Variants in AURKC observed in about 807,000 individuals in gnomAD.
The protein encoded by AURKC is aurora kinase C.
In AURKC, 15 loss-of-function variants were observed where a neutral mutation model predicts 29.2. The observed-to-expected ratio is 0.51, with a 90% CI of 0.34 to 0.79. AURKC has a LOEUF of 0.79. Ranked by LOEUF, AURKC falls within the 30% of genes least tolerant of loss-of-function variation. The pLI is 0.01. For synonymous variants in AURKC, 150 were observed against 149.9 expected, an observed-to-expected ratio of 1.00 and a Z score of -0.01; for missense variants, 332 against 383.2, an observed-to-expected ratio of 0.87 and a Z score of 1.12.
chr19:57,234,454 T>TAACTA (rs2087527080), intron 5 of AURKC, among the ~76,000 whole-genome samples: 1 of 152,244 alleles, frequency 6.6e-6, no homozygotes, highest in Admixed American at 6.5e-5. Context: ...TGTTAATATA[T>TAACTA]AACTATACCA....
intron 2 of AURKC, 89 bp downstream of exon 2, chr19:57,231,876 T>A: frequency 6.2e-7 from 1 of 1,611,304 alleles, no homozygotes. Context: ...TGCTGGCTCC[T>A]GGGAACGAGA....
chr19:57,235,220 CTCTT>C (rs777849128), intron 6 of AURKC, 23 bp from the exon 7 acceptor site: 3 of 1,614,028 alleles, frequency 1.9e-6, no homozygotes, highest in Non-Finnish European at 2.5e-6. Context: ...AACCAGACTT[CTCTT>C]TCTTCTTTCC....
chr19:57,233,572 C>A lies in AURKC; in HGVS notation c.548C>A (p.Ala183Glu), dbSNP rs369113656. The change falls in exon 5 of 7, where the codon GCA (alanine) becomes GAA (glutamate). Residue 183 changes from alanine (A) to glutamate (E), a missense_variant. Ala to Glu is a moderately radical substitution (Grantham distance 107). Coordinates refer to ENST00000302804, the MANE Select transcript of AURKC (RefSeq NM_001015878.2). Reference sequence around the variant, plus strand: ...GGGTTCAGGGGTGAGGTGAAGATTGCAGATTTTGGCTGGTCTGTGCACACC... The same window carrying A: ...GGGTTCAGGGGTGAGGTGAAGATTGAAGATTTTGGCTGGTCTGTGCACACC... The part of the protein sequence containing the change: ...LLGFRGEVKI[A>E]DFGWSVHTPS... 5.6e-6 allele frequency: 9 copies of A among 1,613,928 alleles called. No individual in the cohort carries two copies. In the African/African-American group the frequency reaches 1.1e-4, roughly 19 times the overall value.
At chr19:57,231,476 TC>T in intron 1 of AURKC, 170 bp downstream of exon 1, 1 of 782,778 alleles carries the variant, frequency 1.3e-6, no homozygotes, top group Non-Finnish European at 2.1e-6. Flanking sequence ...CACCTCTCCC[TC>T]CCCTACTCTC....
At chr19:57,231,520 ACCT>A (rs2122800455) in intron 1 of AURKC, 3 of 685,304 alleles carry the variant, frequency 4.4e-6, no homozygotes, top group South Asian at 3.5e-5. Flanking sequence ...CCTCTTCTTC[ACCT>A]CCTCCTCCCC....
At chr19:57,233,691 T>A in intron 5 of AURKC, 83 bp downstream of exon 5, 1 of 1,582,232 alleles carries the variant, frequency 6.3e-7, no homozygotes, top group Non-Finnish European at 8.7e-7. Context: ...TGTCCATGTG[T>A]AAAACCTAGA....
intron 4 of AURKC, 93 bp from the exon 5 acceptor site, chr19:57,233,367 C>T: frequency 1.3e-6 from 2 of 1,576,508 alleles, no homozygotes; most frequent in South Asian, 1.1e-5. Context: ...AAAAAGATTC[C>T]ACTGTAATCA....
rs1208016307 is a variant in AURKC, at chr19:57,231,065, G to A, written c.-184G>A. 7.1e-7 allele frequency: 1 copy of A among 1,415,798 alleles called. No individual in the cohort carries two copies. Among genetic ancestry groups the A allele is most frequent in the Admixed American group, 2.0e-5 (1 of 50,820 alleles). The allele number at this position is 1,415,798 out of a possible 1,614,324, so 87.7% of individuals were successfully genotyped here. A position where few individuals can be genotyped will look rare whatever the true frequency, so the allele number is the denominator to read the frequency against. ...TATAAAAGAAGGCCGCGCAGCCACGGCTGCTCACGACGCCGCGGATCCCGA... is the reference window on the plus strand; with the variant it reads ...TATAAAAGAAGGCCGCGCAGCCACGACTGCTCACGACGCCGCGGATCCCGA... On this transcript the variant is annotated 5_prime_UTR_variant, in exon 1 of 7. Coordinates refer to ENST00000302804, the MANE Select transcript of AURKC (RefSeq NM_001015878.2).
rs55658999 is a variant in AURKC, at chr19:57,235,043, C to A, written c.744C>A (p.Tyr248Ter). The A allele has an allele frequency of 6.2e-7, 1 of 1,614,040 alleles. No homozygotes were observed. The highest frequency in any genetic ancestry group is 1.7e-5 in the Admixed American group (1 of 59,996). Residue 248 changes from tyrosine to a stop codon, truncating the protein, a stop_gained, in exon 6 of 7, where the codon TAC (tyrosine) becomes TAA (stop). Coordinates refer to ENST00000302804, the MANE Select transcript of AURKC (RefSeq NM_001015878.2). LOFTEE classifies it low-confidence loss of function (END_TRUNC). ...PFESASHSET[Y>*]RRILKVDVRF... ...AGAGCGCCTCCCACAGTGAGACTTACAGACGCATCCTCAAGGTGGGACAGT... is the reference window on the plus strand; with the variant it reads ...AGAGCGCCTCCCACAGTGAGACTTAAAGACGCATCCTCAAGGTGGGACAGT...
At position 57,233,181 on chromosome 19, in the gene AURKC, T is replaced by C. The variant is rs147130208; in HGVS notation, c.436-279T>C. Among the ~76,000 whole-genome samples the C allele has an allele frequency of 7.2e-5, 11 of 152,302 alleles. No individual in the cohort carries two copies. The East Asian group carries it at 2.1e-3, about 29-fold the overall frequency. Reference sequence around the variant, plus strand: ...GGGCCTCAAGTCCTGTGAGAGATCATCTGAGTGGCTCAATGTAGGTTCTAT... The same window carrying C: ...GGGCCTCAAGTCCTGTGAGAGATCACCTGAGTGGCTCAATGTAGGTTCTAT... On this transcript the variant is annotated intron_variant, in intron 4 of 6. Transcript: ENST00000302804.
intron 5 of AURKC, 61 bp from the exon 6 acceptor site, chr19:57,234,820 AAGG>A: frequency 6.3e-7 from 1 of 1,598,778 alleles, no homozygotes; most frequent in Non-Finnish European, 8.6e-7. Context: ...AAAGCTGGGG[AAGG>A]AGAATTTCCC....
In AURKC at chr19:57,235,525, T is replaced by C. The variant is rs2087538417; in HGVS notation, c.*108T>C. The C allele has an allele frequency of 1.0e-5, 14 of 1,345,436 alleles. No homozygotes were observed. The South Asian group carries it at 1.5e-4, about 15-fold the overall frequency. The allele number at this position is 1,345,436 out of a possible 1,614,324, so 83.3% of individuals were successfully genotyped here. A position where few individuals can be genotyped will look rare whatever the true frequency, so the allele number is the denominator to read the frequency against. On this transcript the variant is annotated 3_prime_UTR_variant, in exon 7 of 7. Coordinates refer to ENST00000302804, the MANE Select transcript of AURKC (RefSeq NM_001015878.2). Reference sequence around the variant, plus strand: ...TTTTAAGATGTAAGATGCTAATTAATAAAAGCTGAATCATTTCATACCAGC... The same window carrying C: ...TTTTAAGATGTAAGATGCTAATTAACAAAAGCTGAATCATTTCATACCAGC...
chr19:57,235,134 C>T (rs1026589825), intron 6 of AURKC, 76 bp downstream of exon 6: 2 of 1,605,556 alleles, frequency 1.2e-6, no homozygotes, highest in African/African-American at 2.7e-5. Flanking sequence ...CACACACACA[C>T]AGGGTTGTCT....
chr19:57,231,028 GT>G lies in AURKC; in HGVS notation c.-219del. On this transcript the variant is annotated 5_prime_UTR_variant, in exon 1 of 7. Coordinates refer to ENST00000302804, the MANE Select transcript of AURKC (RefSeq NM_001015878.2). The stretch of plus-strand genomic sequence containing the variant: ...CAGCCAGGAAGTACCTCTCTGAGCG[GT>G]TGGTGCCGGGTATAAAAGAAGGCCG... The G allele has an allele frequency of 9.3e-7, 1 of 1,078,000 alleles. No homozygotes were observed. The highest frequency in any genetic ancestry group is 1.4e-6 in the Non-Finnish European group (1 of 716,964). 66.8% of individuals were successfully genotyped at this position (1,078,000 alleles called of 1,614,324 possible).
At chr19:57,233,366 C>G (rs2122805860) in intron 4 of AURKC, 94 bp from the exon 5 acceptor site, 2 of 1,572,520 alleles carry the variant, frequency 1.3e-6, no homozygotes, top group Middle Eastern at 3.6e-4. Flanking sequence ...CAAAAAGATT[C>G]CACTGTAATC....
At chr19:57,231,617 T>G in intron 1 of AURKC, 125 bp from the exon 2 acceptor site, 1 of 749,868 alleles carries the variant, frequency 1.3e-6, no homozygotes, top group Non-Finnish European at 2.1e-6. Flanking sequence ...CTTTCTCTCC[T>G]CCCCTTCTTC....
At chr19:57,231,991 C>G in intron 2 of AURKC, 42 bp from the exon 3 acceptor site, 1 of 1,613,160 alleles carries the variant, frequency 6.2e-7, no homozygotes, top group East Asian at 2.2e-5. Flanking sequence ...CTCCGCCTAC[C>G]CTACCTCCCA....
Position 57,235,049 on chromosome 19 carries a change from C to G in AURKC, c.750C>G (p.Arg250=), listed in dbSNP as rs756526106. ...CCTCCCACAGTGAGACTTACAGACG[C>G]ATCCTCAAGGTGGGACAGTCACCTT... ...ESASHSETYR[R]ILKVDVRFPL... is the part of the protein sequence containing the mutation. The change falls in exon 6 of 7, where the codon CGC becomes CGG. Residue 250 remains arginine, a synonymous_variant. Transcript: ENST00000302804. 1 of 1,614,148 alleles carries G rather than the reference C, an allele frequency of 6.2e-7. No homozygotes were observed. Among genetic ancestry groups the G allele is most frequent in the East Asian group, 2.2e-5 (1 of 44,882 alleles).
Position 57,231,099 on chromosome 19 carries a change from T to G in AURKC, c.-150T>G. 1 of 1,522,020 alleles carries G rather than the reference T, an allele frequency of 6.6e-7. No homozygotes were observed. Among genetic ancestry groups the G allele is most frequent in the Non-Finnish European group, 8.9e-7 (1 of 1,119,646 alleles). The allele number at this position is 1,522,020 out of a possible 1,614,324, so 94.3% of individuals were successfully genotyped here. Reference sequence around the variant, plus strand: ...GACGCCGCGGATCCCGAAGCCTGTGTAGCAGTGAGACATCAGTGAGGCTGC... The same window carrying G: ...GACGCCGCGGATCCCGAAGCCTGTGGAGCAGTGAGACATCAGTGAGGCTGC... On this transcript the variant is annotated 5_prime_UTR_variant, in exon 1 of 7. Coordinates refer to ENST00000302804, the MANE Select transcript of AURKC (RefSeq NM_001015878.2).
Sources: gnomAD v4.1 joint callset for allele counts (sites outside exome capture counted in the v4.1 genomes callset) on GRCh38, gnomAD v4.1.1 for gene constraint, MANE v1.5 for transcripts, NCBI Gene and HGNC (gene_info 2026-07-23, HGNC 2026-07-21) for gene names.